TENM3: variants seen among roughly 807,000 people sequenced by gnomAD.
TENM3 encodes the protein teneurin transmembrane protein 3, also known as teneurin-3.
TENM3 carries 63 observed loss-of-function variants against 255.1 expected under a neutral mutation model. The ratio of observed to expected loss-of-function variants is 0.25; its 90% CI spans 0.20 to 0.30. The LOEUF (loss-of-function observed/expected upper bound fraction) is 0.30, where lower values mean the gene tolerates loss of function less well. TENM3 is among the 10% of genes least tolerant of loss of function. The probability of loss-of-function intolerance (pLI) is 1.00; values close to 1 mark genes in which losing one functional copy is unlikely to be tolerated. For synonymous variants in TENM3, 1,306 were observed against 1,322.3 expected, an observed-to-expected ratio of 0.99 and a Z score of 0.27; for missense variants, 2,929 against 3,461.1, an observed-to-expected ratio of 0.85 and a Z score of 3.86.
chr4:181,504,713 A>C, the TENM3 span, among the ~76,000 whole-genome samples: 32 of 152,296 alleles, frequency 2.1e-4, no homozygotes, highest in Middle Eastern at 3.4e-3. Flanking sequence ...TACACTTTAA[A>C]TGGCAACGCA....
At chr4:181,970,577 ACCACCTC>A in the TENM3 span, among the ~76,000 whole-genome samples, 1 of 152,168 alleles carries the variant, frequency 6.6e-6, no homozygotes, top group African/African-American at 2.4e-5. Flanking sequence ...GTGATTCATA[ACCACCTC>A]CTTTATGTGA....
chr4:182,217,774 T>C (rs1755592532), intron 1 of TENM3, among the ~76,000 whole-genome samples: 1 of 152,218 alleles, frequency 6.6e-6, no homozygotes, highest in African/African-American at 2.4e-5. Context: ...TTTTGTGATA[T>C]TATTTGAGAT....
At chr4:182,584,937 C>T (rs548780678) in intron 3 of TENM3, among the ~76,000 whole-genome samples, 81 of 152,238 alleles carry the variant, frequency 5.3e-4, no homozygotes, top group Non-Finnish European at 9.1e-4. Flanking sequence ...CCACCGTGCC[C>T]AGCTGTATAT....
At chr4:181,455,571 CAT>C in the TENM3 span, among the ~76,000 whole-genome samples, 3 of 151,980 alleles carry the variant, frequency 2.0e-5, no homozygotes, top group Non-Finnish European at 4.4e-5. Flanking sequence ...GGAAACCAAT[CAT>C]GTGAGCAAAA....
chr4:182,663,349 A>G (rs1445015133), intron 6 of TENM3, among the ~76,000 whole-genome samples: 1 of 137,760 alleles, frequency 7.3e-6, no homozygotes, highest in African/African-American at 2.5e-5. Context: ...TTTCTTCTAT[A>G]TTAAATTATA....
the TENM3 span, among the ~76,000 whole-genome samples, chr4:181,550,308 C>A: frequency 5.9e-5 from 9 of 152,186 alleles, no homozygotes; most frequent in Non-Finnish European, 5.9e-5. Flanking sequence ...CTACTTTGAT[C>A]ATAGCCAATG....
At chr4:182,352,292 T>G (rs989299421) in intron 3 of TENM3, among the ~76,000 whole-genome samples, 11 of 152,186 alleles carry the variant, frequency 7.2e-5, no homozygotes, top group Admixed American at 7.2e-4. Context: ...TTACTGTAAT[T>G]AAATGAATGT....
the TENM3 span, among the ~76,000 whole-genome samples, chr4:181,689,509 T>A: frequency 6.6e-6 from 1 of 152,080 alleles, no homozygotes; most frequent in African/African-American, 2.4e-5. Flanking sequence ...TACCTAAATA[T>A]TTCCCCTATG....
At chr4:181,455,746 T>TA in the TENM3 span, among the ~76,000 whole-genome samples, 1 of 151,908 alleles carries the variant, frequency 6.6e-6, no homozygotes, top group Non-Finnish European at 1.5e-5. Flanking sequence ...TAATGGCATT[T>TA]AAAAAAATCT....
At chr4:182,100,460 T>C in the TENM3 span, among the ~76,000 whole-genome samples, 1 of 125,090 alleles carries the variant, frequency 8.0e-6, no homozygotes, top group Non-Finnish European at 1.7e-5. Flanking sequence ...TATATATATA[T>C]ATATATACAC....
At chr4:181,932,592 G>A in the TENM3 span, among the ~76,000 whole-genome samples, 3 of 152,214 alleles carry the variant, frequency 2.0e-5, no homozygotes, top group Non-Finnish European at 2.9e-5. Context: ...CAACCATTGT[G>A]GAAGACAGTG....
rs1196310779 is a variant in TENM3, at chr4:182,786,612, G to A, written c.5305-2481G>A. On this transcript the variant is annotated intron_variant, in intron 24 of 27. Transcript: ENST00000511685. ...CCGAGCAGCATGGGGTTCCATGCCT[G>A]TCTCCCTACAGCAGCACGTCATATC... is the stretch of plus-strand genomic sequence containing the variant. 2.6e-5 allele frequency among the ~76,000 whole-genome samples: 4 copies of A among 151,210 alleles called. No individual in the cohort carries two copies. The East Asian group carries it at 5.8e-4, about 22-fold the overall frequency.
chr4:182,423,044 C>T (rs1301479965), intron 3 of TENM3, among the ~76,000 whole-genome samples: 2 of 152,150 alleles, frequency 1.3e-5, no homozygotes, highest in African/African-American at 4.8e-5. Context: ...ATTTACAAAA[C>T]GGATGGTAGA....
At chr4:182,616,436 T>C (rs964904948) in intron 4 of TENM3, among the ~76,000 whole-genome samples, 3 of 146,064 alleles carry the variant, frequency 2.1e-5, no homozygotes, top group Non-Finnish European at 4.5e-5. Flanking sequence ...GACGAGTTAG[T>C]GGGTGCAGCG....
intron 13 of TENM3, among the ~76,000 whole-genome samples, chr4:182,721,378 T>G (rs1759718100): frequency 6.6e-6 from 1 of 152,206 alleles, no homozygotes; most frequent in Non-Finnish European, 1.5e-5. Context: ...AAGGACGATA[T>G]CTTAGAGATT....
chr4:182,110,088 T>C, the TENM3 span, among the ~76,000 whole-genome samples: 1 of 139,014 alleles, frequency 7.2e-6, no homozygotes, highest in Non-Finnish European at 1.5e-5. Context: ...CACTCCAGCC[T>C]GGGAGACAGA....
At chr4:181,491,656 T>G in the TENM3 span, among the ~76,000 whole-genome samples, 8 of 152,122 alleles carry the variant, frequency 5.3e-5, no homozygotes, top group African/African-American at 1.9e-4. Context: ...ATTAATCACT[T>G]TTGAATGATG....
At chr4:181,551,212 A>G in the TENM3 span, among the ~76,000 whole-genome samples, 1 of 152,214 alleles carries the variant, frequency 6.6e-6, no homozygotes, top group Admixed American at 6.5e-5. Context: ...CAATGGATTG[A>G]GGAAGCATAT....
At chr4:181,931,589 C>A in the TENM3 span, among the ~76,000 whole-genome samples, 1 of 152,134 alleles carries the variant, frequency 6.6e-6, no homozygotes, top group Non-Finnish European at 1.5e-5. Flanking sequence ...GGCCATACTG[C>A]CCAAAGTAAT....
Sources: allele counts gnomAD v4.1 joint callset (sites outside exome capture counted in the v4.1 genomes callset), GRCh38; gene constraint gnomAD v4.1.1; transcripts MANE v1.5; gene names NCBI Gene and HGNC (gene_info 2026-07-23, HGNC 2026-07-21).